The following C12orf42 variants were observed in gnomAD, a reference collection of about 807,000 sequenced individuals.
C12orf42 encodes chromosome 12 open reading frame 42.
C12orf42 carries 25 observed loss-of-function variants against 21.6 expected under a neutral mutation model. That is an observed-to-expected ratio of 1.16 (90% CI 0.84 to 1.62). C12orf42 has a LOEUF of 1.62. Among genes scored for constraint, C12orf42 ranks in the 40% most tolerant of loss-of-function variants. C12orf42 has a pLI of 0.00. For synonymous variants in C12orf42, 174 were observed against 175.0 expected (o/e 0.99, Z 0.05); for missense variants, 483 against 459.3 (o/e 1.05, Z -0.47).
At chr12:103,360,153 A>G (rs2043958169) in intron 4 of C12orf42, among the ~76,000 whole-genome samples, 1 of 148,576 alleles carries the variant, frequency 6.7e-6, no homozygotes. Flanking sequence ...GATCATATCT[A>G]GCAGGAGTTA....
intron 3 of C12orf42, among the ~76,000 whole-genome samples, chr12:103,371,446 G>T (rs971639734): frequency 7.2e-5 from 11 of 152,160 alleles, no homozygotes; most frequent in African/African-American, 2.7e-4. Flanking sequence ...CTAAGGAAGG[G>T]TCAGAAACCC....
chr12:103,480,678 AT>A (rs1592988130), intron 1 of C12orf42, among the ~76,000 whole-genome samples: 1 of 151,490 alleles, frequency 6.6e-6, no homozygotes, highest in Non-Finnish European at 1.5e-5. Flanking sequence ...GTTAACCCAT[AT>A]GTTGTTTAAA....
chr12:103,269,589 C>T (rs1346393581), intron 6 of C12orf42, among the ~76,000 whole-genome samples: 1 of 152,136 alleles, frequency 6.6e-6, no homozygotes, highest in Non-Finnish European at 1.5e-5. Flanking sequence ...ATTGGAATCA[C>T]CACTGGCAAT....
At chr12:103,058,879 GA>G in the C12orf42 span, among the ~76,000 whole-genome samples, 1 of 152,136 alleles carries the variant, frequency 6.6e-6, no homozygotes, top group Non-Finnish European at 1.5e-5. Context: ...CAGAAAGTGT[GA>G]AAGATCTCAA....
At chr12:103,460,372 G>A (rs530072196) in intron 2 of C12orf42, among the ~76,000 whole-genome samples, 6 of 152,178 alleles carry the variant, frequency 3.9e-5, no homozygotes, top group Middle Eastern at 3.4e-3. Context: ...ACTTCCACAC[G>A]TATTTGTTGA....
chr12:103,435,714 A>G (rs1950644561), intron 2 of C12orf42, among the ~76,000 whole-genome samples: 1 of 151,736 alleles, frequency 6.6e-6, no homozygotes, highest in South Asian at 2.1e-4. Flanking sequence ...AAGAATAAAA[A>G]GAAATGAGCA....
intron 2 of C12orf42, among the ~76,000 whole-genome samples, chr12:103,405,642 G>T (rs2138792257): frequency 6.6e-6 from 1 of 152,266 alleles, no homozygotes; most frequent in African/African-American, 2.4e-5. Flanking sequence ...ACAAAGGACA[G>T]CTGGCTTTGT....
intron 2 of C12orf42, among the ~76,000 whole-genome samples, chr12:103,441,143 G>A (rs1339919937): frequency 6.6e-6 from 1 of 152,088 alleles, no homozygotes; most frequent in Non-Finnish European, 1.5e-5. Context: ...GGACTCCTAA[G>A]TATTATATTT....
intron 5 of C12orf42, chr12:103,273,727 AAAG>A (rs1284045111): frequency 7.3e-6 from 3 of 409,562 alleles, no homozygotes; most frequent in South Asian, 1.8e-5. Flanking sequence ...AAATTAGGGA[AAAG>A]AAGAAGGAAA....
intron 3 of C12orf42, among the ~76,000 whole-genome samples, chr12:103,398,856 A>G (rs532762641): frequency 6.6e-6 from 1 of 152,208 alleles, no homozygotes; most frequent in Non-Finnish European, 1.5e-5. Context: ...TTTAAGGACT[A>G]AGTCTTTATA....
intron 2 of C12orf42, among the ~76,000 whole-genome samples, chr12:103,468,993 G>A (rs1953366286): frequency 6.6e-6 from 1 of 152,220 alleles, no homozygotes; most frequent in South Asian, 2.1e-4. Context: ...GCCACATGCA[G>A]GCCTTGGGCG....
intron 2 of C12orf42, among the ~76,000 whole-genome samples, chr12:103,477,648 A>T (rs1032366533): frequency 6.6e-6 from 1 of 152,156 alleles, no homozygotes; most frequent in Non-Finnish European, 1.5e-5. Context: ...AACCCTCTGT[A>T]ACTTGCTTTG....
intron 2 of C12orf42, among the ~76,000 whole-genome samples, chr12:103,405,241 A>C (rs2048334443): frequency 6.6e-6 from 1 of 152,226 alleles, no homozygotes; most frequent in African/African-American, 2.4e-5. Flanking sequence ...GTAAACATAA[A>C]ATTTCATGCA....
intron 4 of C12orf42, among the ~76,000 whole-genome samples, chr12:103,284,653 A>T (rs1022757636): frequency 6.6e-6 from 1 of 152,190 alleles, no homozygotes. Context: ...CAATATTTTG[A>T]ACATGGTAGG....
At chr12:103,315,987 T>C (rs7484845) in intron 4 of C12orf42, among the ~76,000 whole-genome samples, 41,807 of 150,738 alleles carry the variant, frequency 0.28, 6,949 homozygotes, top group African/African-American at 0.47. Context: ...TATATATATA[T>C]ACACACACAC....
At chr12:103,120,628 CA>C in the C12orf42 span, among the ~76,000 whole-genome samples, 1 of 151,512 alleles carries the variant, frequency 6.6e-6, no homozygotes, top group South Asian at 2.1e-4. Flanking sequence ...ATAAAAATAC[CA>C]ACATCATGGG....
chr12:103,216,201 G>A, the C12orf42 span, among the ~76,000 whole-genome samples: 1 of 152,094 alleles, frequency 6.6e-6, no homozygotes, highest in Non-Finnish European at 1.5e-5. Context: ...ACAATTATTG[G>A]ATTCTAGGAA....
At chr12:103,088,410 T>C in the C12orf42 span, among the ~76,000 whole-genome samples, 3 of 152,220 alleles carry the variant, frequency 2.0e-5, no homozygotes, top group Non-Finnish European at 4.4e-5. Flanking sequence ...TATGGGACAG[T>C]TGGCAATTTT....
chr12:103,548,186 G>A, the C12orf42 span, among the ~76,000 whole-genome samples: 1,269 of 152,282 alleles, frequency 8.3e-3, 6 homozygotes, highest in South Asian at 0.022. Context: ...TGGAGGTGCC[G>A]CAGCCCTTTG....
Sources: allele counts gnomAD v4.1 joint callset (sites outside exome capture counted in the v4.1 genomes callset), GRCh38; gene constraint gnomAD v4.1.1; transcripts MANE v1.5; gene names NCBI Gene and HGNC (gene_info 2026-07-23, HGNC 2026-07-21).